Variants in PWWP3B observed in about 807,000 individuals in gnomAD.
The protein encoded by PWWP3B is PWWP domain-containing DNA repair factor 3B.
A neutral mutation model predicts 15.7 loss-of-function variants in PWWP3B; 5 were observed. The observed-to-expected ratio is 0.32, with a 90% CI of 0.17 to 0.67. The LOEUF is 0.67. Among genes scored for constraint, PWWP3B ranks in the 30% least tolerant of loss-of-function variants. The pLI is 0.74. For synonymous variants in PWWP3B, 203 were observed against 179.8 expected, an observed-to-expected ratio of 1.13 and a Z score of -1.03; for missense variants, 519 against 493.1, an observed-to-expected ratio of 1.05 and a Z score of -0.50.
chrX:106,191,520 A>T (rs1268545892), intron 2 of PWWP3B, among the ~76,000 whole-genome samples: 2 of 111,245 alleles, frequency 1.8e-5, no homozygotes, highest in Non-Finnish European at 3.8e-5. Flanking sequence ...TTCCTAATTG[A>T]ATACTCTTTA....
intron 2 of PWWP3B, among the ~76,000 whole-genome samples, chrX:106,190,296 A>G (rs1421577184): frequency 6.2e-5 from 7 of 112,267 alleles, no homozygotes; most frequent in Non-Finnish European, 1.1e-4. Flanking sequence ...GATGGCCAGT[A>G]ATGATGAGCA....
chrX:106,204,204 G>A (rs1387478989), intron 3 of PWWP3B, 34 bp downstream of exon 3: 2 of 111,963 alleles, frequency 1.8e-5, no homozygotes, highest in East Asian at 2.8e-4. Flanking sequence ...AACATTTCAC[G>A]GTAGAAACAT....
At chrX:106,191,362 G>T (rs1005249346) in intron 2 of PWWP3B, among the ~76,000 whole-genome samples, 1 of 111,304 alleles carries the variant, frequency 9.0e-6, no homozygotes, top group Non-Finnish European at 1.9e-5. Context: ...TGGTGTATAA[G>T]AATGCTTGTG....
chrX:106,198,785 T>C (rs2147628622), intron 2 of PWWP3B, among the ~76,000 whole-genome samples: 1 of 111,357 alleles, frequency 9.0e-6, no homozygotes, highest in African/African-American at 3.3e-5. Flanking sequence ...CTGATTTATG[T>C]GCAATCTAGA....
chrX:106,198,369 A>G (rs889946468), intron 2 of PWWP3B, among the ~76,000 whole-genome samples: 1 of 111,652 alleles, frequency 9.0e-6, no homozygotes, highest in African/African-American at 3.3e-5. Flanking sequence ...AACACACCCT[A>G]GATGACCCAC....
chrX:106,171,415 C>T (rs759419319), intron 2 of PWWP3B, among the ~76,000 whole-genome samples: 1 of 111,386 alleles, frequency 9.0e-6, no homozygotes, highest in Admixed American at 9.6e-5. Context: ...ATGCAAGAGG[C>T]TATGCAGGTG....
At chrX:106,201,456 T>C (rs1388760686) in intron 2 of PWWP3B, among the ~76,000 whole-genome samples, 1 of 112,819 alleles carries the variant, frequency 8.9e-6, no homozygotes, top group Non-Finnish European at 1.9e-5. Flanking sequence ...TAACTGTGTT[T>C]TGATTGAAAT....
At chrX:106,170,229 G>C (rs1921542328) in intron 1 of PWWP3B, among the ~76,000 whole-genome samples, 1 of 111,326 alleles carries the variant, frequency 9.0e-6, no homozygotes, top group South Asian at 3.7e-4. Flanking sequence ...AGGAATAAAG[G>C]GTCTAGTTTC....
At position 106,184,517 on chromosome X, in the gene PWWP3B, C is replaced by T. The variant is rs189480502; in HGVS notation, c.-401+13378C>T. ...CGAGGTCCCAGTAGGGATCCATTAC[C>T]GGGGATGGCTTGCTGACCAGTAGGG... On this transcript the variant is annotated intron_variant, in intron 2 of 3. Coordinates refer to ENST00000357175, the MANE Select transcript of PWWP3B (RefSeq NM_001171020.2). Among the ~76,000 whole-genome samples, 810 of 111,423 alleles carry T rather than the reference C, an allele frequency of 7.3e-3. 5 individuals carry two copies. Among genetic ancestry groups the T allele is most frequent in the Non-Finnish European group, 0.013 (680 of 53,086 alleles).
chrX:106,198,469 T>G (rs2147628093), intron 2 of PWWP3B, among the ~76,000 whole-genome samples: 1 of 111,575 alleles, frequency 9.0e-6, no homozygotes, highest in Non-Finnish European at 1.9e-5. Flanking sequence ...TTATACAGAG[T>G]GAGTTGGTTA....
chrX:106,197,814 C>A (rs1923468308), intron 2 of PWWP3B, among the ~76,000 whole-genome samples: 1 of 112,051 alleles, frequency 8.9e-6, no homozygotes, highest in Non-Finnish European at 1.9e-5. Flanking sequence ...TAACTCAGTT[C>A]CCTGATAGGC....
intron 2 of PWWP3B, chrX:106,177,183 A>G (rs1476534994): frequency 1.8e-5 from 2 of 112,928 alleles, no homozygotes; most frequent in Non-Finnish European, 3.7e-5. Context: ...TTTCGCTTTA[A>G]GGGAATTGCA....
intron 2 of PWWP3B, among the ~76,000 whole-genome samples, chrX:106,175,841 T>G (rs759302974): frequency 1.8e-5 from 2 of 111,808 alleles, no homozygotes; most frequent in Non-Finnish European, 3.8e-5. Context: ...TATATTTGCA[T>G]CTCTTTGATT....
chrX:106,171,414 G>A (rs774302280), intron 2 of PWWP3B, among the ~76,000 whole-genome samples: 1 of 111,108 alleles, frequency 9.0e-6, no homozygotes, highest in Non-Finnish European at 1.9e-5. Context: ...CATGCAAGAG[G>A]CTATGCAGGT....
intron 2 of PWWP3B, among the ~76,000 whole-genome samples, chrX:106,201,396 G>A (rs2071696): frequency 8.9e-6 from 1 of 112,536 alleles, no homozygotes; most frequent in East Asian, 2.8e-4. Context: ...ATTCACCTAT[G>A]GGGTTAAGAT....
rs757007583 is a variant in PWWP3B, at chrX:106,206,548, T to G, written c.1116T>G (p.Asp372Glu). 4 of 1,208,744 alleles carry G rather than the reference T, an allele frequency of 3.3e-6. No individual in the cohort carries two copies. Among genetic ancestry groups the G allele is most frequent in the African/African-American group, 1.7e-5 (1 of 57,729 alleles). The change falls in exon 4 of 4, where the codon GAT (aspartate) becomes GAG (glutamate). Residue 372 changes from aspartate to glutamate, a missense_variant. Asp to Glu is a conservative substitution (Grantham distance 45, BLOSUM62 2). Transcript: ENST00000357175. ...SRINLSLLDD[D>E]EEDEELPRFI... ...TTAATCTTTCTCTATTAGATGATGA[T>G]GAGGAAGACGAAGAACTTCCACGCT...
chrX:106,191,971 A>G (rs1490243438), intron 2 of PWWP3B, among the ~76,000 whole-genome samples: 1 of 111,683 alleles, frequency 9.0e-6, no homozygotes, highest in Non-Finnish European at 1.9e-5. Flanking sequence ...TTTTGCATCA[A>G]TGTTCATCAA....
intron 2 of PWWP3B, among the ~76,000 whole-genome samples, chrX:106,182,765 G>A (rs1026274853): frequency 1.8e-5 from 2 of 111,178 alleles, no homozygotes; most frequent in East Asian, 5.7e-4. Context: ...CACGCAGGGA[G>A]TATGTTTGCC....
chrX:106,178,628 T>A (rs1166188723), intron 2 of PWWP3B, among the ~76,000 whole-genome samples: 1 of 111,733 alleles, frequency 8.9e-6, no homozygotes, highest in Non-Finnish European at 1.9e-5. Context: ...GTTGCAAAGT[T>A]GGGGGAAAAT....
Sources: gnomAD v4.1 joint callset for allele counts (sites outside exome capture counted in the v4.1 genomes callset) on GRCh38, gnomAD v4.1.1 for gene constraint, MANE v1.5 for transcripts, NCBI Gene and HGNC (gene_info 2026-07-23, HGNC 2026-07-21) for gene names.